The following AGMO variants were observed in gnomAD, a reference collection of about 807,000 sequenced individuals.
AGMO encodes glyceryl-ether monooxygenase.
In AGMO, 75 loss-of-function variants were observed where a neutral mutation model predicts 60.2. The ratio of observed to expected loss-of-function variants is 1.25; its 90% CI spans 1.03 to 1.51. The LOEUF (loss-of-function observed/expected upper bound fraction) is 1.51, where lower values mean the gene tolerates loss of function less well. AGMO is among the 40% of genes most tolerant of loss of function. AGMO has a pLI of 0.00. For missense variants in AGMO, 763 were observed against 525.5 expected, an observed-to-expected ratio of 1.45 and a Z score of -4.42; for synonymous variants, 261 against 177.1, an observed-to-expected ratio of 1.47 and a Z score of -3.76.
downstream of AGMO, among the ~76,000 whole-genome samples, chr7:15,199,872 C>G (rs1365803052): frequency 6.6e-6 from 1 of 152,120 alleles, no homozygotes; most frequent in African/African-American, 2.4e-5. Context: ...TTTCATCATG[C>G]AAAATTTAAT....
chr7:15,341,248 C>T (rs1218022912), intron 12 of AGMO, among the ~76,000 whole-genome samples: 1 of 152,204 alleles, frequency 6.6e-6, no homozygotes, highest in Middle Eastern at 3.4e-3. Context: ...TGCAAATTTT[C>T]CAAATTTTTA....
rs1167758145 is a variant in AGMO, at chr7:15,556,487, AAAAC to A, written c.257+3650_257+3653del. The stretch of plus-strand genomic sequence containing the variant: ...TTCAACAGAATAAATGAACCCATTA[AAAAC>A]AAACATACTGTAGATATTTATATCA... On this transcript the variant is annotated intron_variant, in intron 2 of 12. Transcript: ENST00000342526. Among the ~76,000 whole-genome samples, 15 of 152,164 alleles carry A rather than the reference AAAAC, an allele frequency of 9.9e-5. No individual in the cohort carries two copies. The East Asian group carries it at 2.1e-3, about 22-fold the overall frequency.
intron 12 of AGMO, among the ~76,000 whole-genome samples, chr7:15,247,583 TAC>T (rs1325419315): frequency 6.6e-6 from 1 of 151,912 alleles, no homozygotes; most frequent in Non-Finnish European, 1.5e-5. Flanking sequence ...TCCTCAAACA[TAC>T]ACAGACACAT....
intron 5 of AGMO, among the ~76,000 whole-genome samples, chr7:15,400,247 G>A (rs1784517962): frequency 6.6e-6 from 1 of 151,778 alleles, no homozygotes; most frequent in African/African-American, 2.4e-5. Context: ...TTACAGCAGC[G>A]GTTCTCAAAT....
At chr7:15,155,676 T>C in the AGMO span, among the ~76,000 whole-genome samples, 2 of 152,082 alleles carry the variant, frequency 1.3e-5, no homozygotes, top group East Asian at 1.9e-4. Context: ...GCCGGGGAGA[T>C]AGTGCGGTCA....
intron 12 of AGMO, among the ~76,000 whole-genome samples, chr7:15,320,012 A>G (rs1031754762): frequency 1.3e-5 from 2 of 152,140 alleles, no homozygotes; most frequent in Middle Eastern, 3.4e-3. Context: ...CTGCGAGGAT[A>G]AAAAACCAAA....
At chr7:15,130,250 T>C in the AGMO span, among the ~76,000 whole-genome samples, 1 of 152,042 alleles carries the variant, frequency 6.6e-6, no homozygotes, top group Non-Finnish European at 1.5e-5. Context: ...TTATTTTCCT[T>C]TTTTTCTTTC....
In AGMO at chr7:15,431,043, C is replaced by T. The variant is rs1211709458; in HGVS notation, c.475G>A (p.Ala159Thr). The T allele has an allele frequency of 3.1e-6, 5 of 1,609,904 alleles. No individual in the cohort carries two copies. The highest frequency in any genetic ancestry group is 4.2e-6 in the Non-Finnish European group (5 of 1,177,690). ...HSSEDYNLST[A>T]LRQSVLQIYT... Reference sequence around the variant, plus strand: ...ATCTGGAGGACAGACTGTCTCAGTGCTGTGGATAAGTTATAGTCTTCAGAA... The same window carrying T: ...ATCTGGAGGACAGACTGTCTCAGTGTTGTGGATAAGTTATAGTCTTCAGAA... The change falls in exon 4 of 13, where the codon GCA (alanine) becomes ACA (threonine). Residue 159 changes from alanine to threonine, a missense_variant. Transcript: ENST00000342526.
At position 15,390,693 on chromosome 7, in the gene AGMO, G is replaced by C; in HGVS notation, c.800C>G (p.Thr267Arg). The part of the protein sequence containing the change: ...VVYGLTHPIN[T>R]FEPIKVQFHH... ...TACCTGCACTTTGATTGGTTCAAATGTATTAATGGGATGTGTTAAGCCATA... is the reference window on the plus strand; with the variant it reads ...TACCTGCACTTTGATTGGTTCAAATCTATTAATGGGATGTGTTAAGCCATA... Residue 267 changes from threonine to arginine, a missense_variant, in exon 8 of 13, where the codon ACA (threonine) becomes AGA (arginine). Thr to Arg is a moderately conservative substitution (Grantham distance 71). Coordinates refer to ENST00000342526, the MANE Select transcript of AGMO (RefSeq NM_001004320.2). The C allele has an allele frequency of 6.2e-7, 1 of 1,608,048 alleles. No homozygotes were observed. The highest frequency in any genetic ancestry group is 8.5e-7 in the Non-Finnish European group (1 of 1,176,026).
chr7:15,531,539 A>ATATATTCTATATATATATTCTC (rs1562557533), intron 3 of AGMO, among the ~76,000 whole-genome samples: 5 of 19,086 alleles, frequency 2.6e-4, no homozygotes, highest in African/African-American at 9.7e-4. Context: ...TATATTCTCT[A>ATATATTCTATATATATATTCTC]TATATATTCT....
chr7:15,198,209 G>GAGAGAGAGAGAGAGAGAGAGAGAC (rs1781171308), downstream of AGMO, among the ~76,000 whole-genome samples: 1 of 79,986 alleles, frequency 1.3e-5, no homozygotes, highest in African/African-American at 8.3e-5. Flanking sequence ...GAGAGAGAGA[G>GAGAGAGAGAGAGAGAGAGAGAGAC]AGAGAGAGAG....
At chr7:15,424,244 G>GA (rs2128496075) in intron 4 of AGMO, among the ~76,000 whole-genome samples, 1 of 152,030 alleles carries the variant, frequency 6.6e-6, no homozygotes, top group Non-Finnish European at 1.5e-5. Flanking sequence ...ATCACCTTGA[G>GA]AACACAAGCT....
chr7:15,238,521 G>A (rs1172027872), intron 12 of AGMO, among the ~76,000 whole-genome samples: 2 of 151,580 alleles, frequency 1.3e-5, no homozygotes, highest in Non-Finnish European at 2.9e-5. Context: ...AATATCACAT[G>A]TGCTCCCAAA....
chr7:15,268,333 T>G (rs1783494235), intron 12 of AGMO, among the ~76,000 whole-genome samples: 1 of 152,008 alleles, frequency 6.6e-6, no homozygotes, highest in South Asian at 2.1e-4. Flanking sequence ...AAATCAAACT[T>G]TACTTAATCC....
the AGMO span, among the ~76,000 whole-genome samples, chr7:15,130,216 A>T: frequency 6.6e-6 from 1 of 152,028 alleles, no homozygotes; most frequent in Non-Finnish European, 1.5e-5. Context: ...TATTATGATA[A>T]TTATATTTCA....
the AGMO span, among the ~76,000 whole-genome samples, chr7:15,171,698 T>A: frequency 6.6e-6 from 1 of 152,344 alleles, no homozygotes; most frequent in Non-Finnish European, 1.5e-5. Flanking sequence ...TGTCTAGTAT[T>A]ATACCATGTG....
rs960916629 is a variant in AGMO at position 15,560,263 on chromosome 7, T to C, written c.135A>G (p.Pro45=). 8 of 1,611,282 alleles carry C rather than the reference T, an allele frequency of 5.0e-6. No homozygotes were observed. In the African/African-American group the frequency reaches 8.0e-5, roughly 16 times the overall value. Residue 45 remains proline, a synonymous_variant, in exon 2 of 13, where the codon CCA becomes CCG. Coordinates refer to ENST00000342526, the MANE Select transcript of AGMO (RefSeq NM_001004320.2). ...CAAGCAGCATCAAAGAAATGAAAAA[T>C]GGAGTTGCCTGGAAAGGAAGTTGCA... The part of the protein sequence containing the change: ...EVPDYVKKAT[P]FFISLMLLEL...
chr7:15,352,613 G>A (rs774371891), intron 12 of AGMO, among the ~76,000 whole-genome samples: 1 of 151,928 alleles, frequency 6.6e-6, no homozygotes, highest in Non-Finnish European at 1.5e-5. Context: ...GGAGCATCTG[G>A]AACCAGACAT....
chr7:15,439,355 C>A (rs1015973395), intron 3 of AGMO, among the ~76,000 whole-genome samples: 22 of 152,304 alleles, frequency 1.4e-4, no homozygotes, highest in African/African-American at 5.3e-4. Context: ...TGAGATTACA[C>A]CACTGCACTC....
Sources: gnomAD v4.1 joint callset for allele counts (sites outside exome capture counted in the v4.1 genomes callset) on GRCh38, gnomAD v4.1.1 for gene constraint, MANE v1.5 for transcripts, NCBI Gene and HGNC (gene_info 2026-07-23, HGNC 2026-07-21) for gene names.